Variants in KCNH1 observed in about 807,000 individuals in gnomAD.
The protein encoded by KCNH1 is potassium voltage-gated channel subfamily H member 1.
Under a neutral mutation model 69.2 loss-of-function variants are expected in KCNH1, and 27 were observed. The ratio of observed to expected loss-of-function variants is 0.39; its 90% confidence interval spans 0.29 to 0.54. The LOEUF (loss-of-function observed/expected upper bound fraction) is 0.54. Ranked by LOEUF, KCNH1 falls within the 20% of genes least tolerant of loss-of-function variation. KCNH1 has a pLI of 0.68. For missense variants in KCNH1, 798 were observed against 1,261.6 expected, an observed-to-expected ratio of 0.63 and a Z score of 5.57; for synonymous variants, 456 against 487.7, an observed-to-expected ratio of 0.93 and a Z score of 0.86.
At chr1:210,709,282 A>T (rs550394152) in intron 10 of KCNH1, among the ~76,000 whole-genome samples, 1 of 152,200 alleles carries the variant, frequency 6.6e-6, no homozygotes, top group Non-Finnish European at 1.5e-5. Context: ...GGAGACACAG[A>T]TATGCATACA....
At chr1:210,838,235 C>G (rs1220967253) in intron 7 of KCNH1, among the ~76,000 whole-genome samples, 2 of 152,204 alleles carry the variant, frequency 1.3e-5, no homozygotes, top group East Asian at 3.9e-4. Flanking sequence ...AAAAAACAAG[C>G]AATGGGGAAA....
chr1:210,853,871 C>T (rs946327409), intron 7 of KCNH1, among the ~76,000 whole-genome samples: 1 of 135,416 alleles, frequency 7.4e-6, no homozygotes, highest in Non-Finnish European at 1.5e-5. Context: ...ATTTTCAATT[C>T]TTCTTCTAGG....
chr1:210,735,857 T>C (rs1682868413), intron 10 of KCNH1, among the ~76,000 whole-genome samples: 1 of 148,028 alleles, frequency 6.8e-6, no homozygotes, highest in South Asian at 2.1e-4. Flanking sequence ...CAAGAGAGAG[T>C]ACACTTCAGC....
intron 7 of KCNH1, among the ~76,000 whole-genome samples, chr1:210,913,377 T>A: frequency 6.6e-6 from 1 of 151,906 alleles, no homozygotes. Context: ...TTTTTCTAAT[T>A]ACAGAAAAGA....
chr1:210,719,487 T>C (rs1287217738), intron 10 of KCNH1, among the ~76,000 whole-genome samples: 1 of 151,546 alleles, frequency 6.6e-6, no homozygotes, highest in Non-Finnish European at 1.5e-5. Context: ...TAAGTGGGAG[T>C]TGAACAATGA....
chr1:211,007,171 C>T (rs981574818), intron 6 of KCNH1, among the ~76,000 whole-genome samples: 4 of 152,238 alleles, frequency 2.6e-5, no homozygotes, highest in Admixed American at 1.3e-4. Flanking sequence ...CCCTGAGGCA[C>T]GATATTTCAC....
At chr1:210,724,631 A>G (rs1466957022) in intron 10 of KCNH1, among the ~76,000 whole-genome samples, 1 of 152,198 alleles carries the variant, frequency 6.6e-6, no homozygotes, top group African/African-American at 2.4e-5. Context: ...GGCTTTGCAA[A>G]CAGGATTTTC....
chr1:211,036,205 A>T (rs941604387), intron 5 of KCNH1, among the ~76,000 whole-genome samples: 1 of 152,104 alleles, frequency 6.6e-6, no homozygotes. Context: ...AGGGAAGAAG[A>T]GTTGGCCATC....
chr1:210,866,618 G>A (rs1001602493), intron 7 of KCNH1, among the ~76,000 whole-genome samples: 1 of 152,086 alleles, frequency 6.6e-6, no homozygotes, highest in African/African-American at 2.4e-5. Context: ...TGTTGGTGAT[G>A]ATGTAGAGAC....
intron 3 of KCNH1, among the ~76,000 whole-genome samples, chr1:211,099,982 T>C (rs1485160659): frequency 1.3e-5 from 2 of 152,212 alleles, no homozygotes; most frequent in African/African-American, 4.8e-5. Flanking sequence ...CTCTACCTCC[T>C]GCTCACTAAG....
intron 6 of KCNH1, among the ~76,000 whole-genome samples, chr1:211,008,772 C>T (rs1689334580): frequency 6.6e-6 from 1 of 152,186 alleles, no homozygotes; most frequent in Non-Finnish European, 1.5e-5. Context: ...ATTCACTAAG[C>T]TGTATACTTT....
chr1:211,064,186 T>C (rs1690486277), intron 5 of KCNH1, among the ~76,000 whole-genome samples: 1 of 152,200 alleles, frequency 6.6e-6, no homozygotes, highest in African/African-American at 2.4e-5. Context: ...CAATGGAATA[T>C]AATGCAACCA....
intron 5 of KCNH1, among the ~76,000 whole-genome samples, chr1:211,066,114 C>T (rs372364010): frequency 6.6e-6 from 1 of 151,948 alleles, no homozygotes; most frequent in Non-Finnish European, 1.5e-5. Flanking sequence ...TAACGAAACA[C>T]ATAAACTTTA....
rs552244575 is a variant in KCNH1 at position 210,805,365 on chromosome 1, A to G, written c.1463-1199T>C. 2.0e-5 allele frequency among the ~76,000 whole-genome samples: 3 copies of G among 152,298 alleles called. No homozygotes were observed. The South Asian group carries it at 6.2e-4, about 32-fold the overall frequency. ...TATATAATTTGCTATGTTTTGACAT[A>G]TATACACCAATAAAATCATCACCAC... On this transcript the variant is annotated intron_variant, in intron 7 of 10. Coordinates refer to ENST00000271751, the MANE Select transcript of KCNH1 (RefSeq NM_172362.3).
chr1:210,794,194 C>T (rs1350188558), intron 9 of KCNH1, among the ~76,000 whole-genome samples: 1 of 152,220 alleles, frequency 6.6e-6, no homozygotes, highest in Non-Finnish European at 1.5e-5. Flanking sequence ...CTTAGAATCA[C>T]TTATGCCTCT....
intron 6 of KCNH1, among the ~76,000 whole-genome samples, chr1:210,995,027 T>C (rs1689002710): frequency 6.6e-6 from 1 of 152,242 alleles, no homozygotes; most frequent in Non-Finnish European, 1.5e-5. Flanking sequence ...TCTAATTGTC[T>C]ACCCAATATC....
chr1:210,763,982 T>C (rs1683571787), intron 10 of KCNH1, among the ~76,000 whole-genome samples: 1 of 152,124 alleles, frequency 6.6e-6, no homozygotes. Flanking sequence ...ATTACGAGGT[T>C]ACAGTAACAA....
In KCNH1 at chr1:210,797,502, A is replaced by G. The variant is rs775654220; in HGVS notation, c.1915+6T>C. ...CCTTTGCCCATCCAGCAAAGCCAACACCTACCTAGAATGGCCACCACCTCA... is the reference window on the plus strand; with the variant it reads ...CCTTTGCCCATCCAGCAAAGCCAACGCCTACCTAGAATGGCCACCACCTCA... On this transcript the variant is annotated splice_donor_region_variant and intron_variant, in intron 9 of 10. Coordinates refer to ENST00000271751, the MANE Select transcript of KCNH1 (RefSeq NM_172362.3). 3.7e-6 allele frequency: 6 copies of G among 1,613,596 alleles called. No individual in the cohort carries two copies. The highest frequency in any genetic ancestry group is 4.2e-6 in the Non-Finnish European group (5 of 1,179,656).
At chr1:210,965,599 CAG>C (rs1688383874) in intron 6 of KCNH1, among the ~76,000 whole-genome samples, 1 of 151,586 alleles carries the variant, frequency 6.6e-6, no homozygotes, top group South Asian at 2.1e-4. Context: ...AATAATTACA[CAG>C]AGTCAAATCT....
Sources: gnomAD v4.1 joint callset for allele counts (sites outside exome capture counted in the v4.1 genomes callset) on GRCh38, gnomAD v4.1.1 for gene constraint, MANE v1.5 for transcripts, NCBI Gene and HGNC (gene_info 2026-07-23, HGNC 2026-07-21) for gene names.